The following PCDHA8 variants were observed in gnomAD, a reference collection of about 807,000 sequenced individuals.
PCDHA8 encodes protocadherin alpha 8.
A neutral mutation model predicts 61.8 loss-of-function variants in PCDHA8; 53 were observed. The observed-to-expected ratio is 0.86, with a 90% CI of 0.69 to 1.08. The LOEUF (loss-of-function observed/expected upper bound fraction) is 1.08. Ranked by LOEUF, PCDHA8 falls within the 50% of genes least tolerant of loss-of-function variation. The pLI, the probability that PCDHA8 is intolerant of heterozygous loss-of-function variation, is 0.00. For missense variants in PCDHA8, 1,293 were observed against 1,245.0 expected (o/e 1.04, Z -0.58); for synonymous variants, 618 against 556.6 (o/e 1.11, Z -1.55).
chr5:140,988,021 T>C (rs2097278466), intron 3 of PCDHA8, among the ~76,000 whole-genome samples: 1 of 152,216 alleles, frequency 6.6e-6, no homozygotes. Context: ...AGCATGATTC[T>C]TAAGTTTTTT....
At chr5:141,003,609 G>A (rs2098131688) in intron 3 of PCDHA8, among the ~76,000 whole-genome samples, 1 of 151,970 alleles carries the variant, frequency 6.6e-6, no homozygotes, top group Non-Finnish European at 1.5e-5. Context: ...CACCATTCCC[G>A]GCCCCAGAGG....
rs374326542 is a variant in PCDHA8, at chr5:140,927,218, A to G, written c.2395-51731A>G. The G allele has an allele frequency of 2.5e-6, 4 of 1,613,972 alleles. No individual in the cohort carries two copies. The African/African-American group carries it at 5.3e-5, about 22-fold the overall frequency. On this transcript the variant is annotated intron_variant, in intron 1 of 3. Coordinates refer to ENST00000531613, the MANE Select transcript of PCDHA8 (RefSeq NM_018911.3). ...CTCGAGGACCCGCTGGAGCTGCACA[A>G]GATTCGGATTCACGTCCTGGACACC...
At chr5:140,870,153 CG>C (rs1562639258) in intron 1 of PCDHA8, 2 of 1,614,088 alleles carry the variant, frequency 1.2e-6, no homozygotes, top group South Asian at 2.2e-5. Flanking sequence ...CTGAAGTCGC[CG>C]TGACTTCCTT....
intron 3 of PCDHA8, among the ~76,000 whole-genome samples, chr5:140,988,416 A>G (rs1462025901): frequency 6.6e-6 from 1 of 152,118 alleles, no homozygotes; most frequent in Non-Finnish European, 1.5e-5. Flanking sequence ...AGCTTATGTA[A>G]AGAATTTGTT....
chr5:140,900,563 C>G (rs1174778855), intron 1 of PCDHA8, among the ~76,000 whole-genome samples: 4 of 152,164 alleles, frequency 2.6e-5, no homozygotes, highest in Non-Finnish European at 5.9e-5. Flanking sequence ...AGGCGTGAGC[C>G]ACGGCACCGG....
At chr5:141,003,771 T>G (rs1301111940) in intron 3 of PCDHA8, among the ~76,000 whole-genome samples, 4 of 152,250 alleles carry the variant, frequency 2.6e-5, no homozygotes, top group African/African-American at 9.6e-5. Context: ...CGTATTCTGT[T>G]AAATAAACTT....
chr5:141,001,468 G>A (rs1375908420), intron 3 of PCDHA8, among the ~76,000 whole-genome samples: 1 of 152,226 alleles, frequency 6.6e-6, no homozygotes, highest in African/African-American at 2.4e-5. Context: ...GGACTAAGCA[G>A]CAGCGGGGAA....
intron 1 of PCDHA8, among the ~76,000 whole-genome samples, chr5:140,895,371 T>C (rs1554186488): frequency 1.3e-5 from 2 of 152,304 alleles, no homozygotes; most frequent in East Asian, 3.9e-4. Context: ...TTGGCACTTT[T>C]TGGAGTTCTT....
intron 1 of PCDHA8, chr5:140,864,049 A>G (rs2048299792): frequency 6.5e-6 from 1 of 152,910 alleles, no homozygotes; most frequent in Non-Finnish European, 1.5e-5. Flanking sequence ...ACTTTTTACT[A>G]CAGTCACCAT....
At chr5:140,883,978 T>G in intron 1 of PCDHA8, 1 of 1,612,780 alleles carries the variant, frequency 6.2e-7, no homozygotes, top group Non-Finnish European at 8.5e-7. Flanking sequence ...CGCCCGGGGC[T>G]GGCAGCGCGG....
At chr5:140,940,940 G>T (rs187772223) in intron 1 of PCDHA8, among the ~76,000 whole-genome samples, 1 of 152,254 alleles carries the variant, frequency 6.6e-6, no homozygotes, top group Non-Finnish European at 1.5e-5. Context: ...CTTAGACTAC[G>T]TATTCTCAGA....
In PCDHA8 at chr5:140,982,507, G is replaced by A. The variant is rs555523473; in HGVS notation, c.2486G>A (p.Arg829Gln). 21 of 1,614,138 alleles carry A rather than the reference G, an allele frequency of 1.3e-5. No individual in the cohort carries two copies. The highest frequency in any genetic ancestry group is 4.0e-5 in the African/African-American group (3 of 75,040). ...CACCTAGAGGAGGCTGGCATTCTAC[G>A]GGCTGGTCCAGGAGGGCCTGATCAG... is the stretch of plus-strand genomic sequence containing the variant. ...SVHLEEAGILRAGPGGPDQQW... is the reference protein window; with the variant it reads ...SVHLEEAGILQAGPGGPDQQW... The change falls in exon 3 of 4, where the codon CGG (arginine) becomes CAG (glutamine). Residue 829 changes from arginine (R) to glutamine (Q), a missense_variant. Arg to Gln is a conservative substitution (Grantham distance 43). Coordinates refer to ENST00000531613, the MANE Select transcript of PCDHA8 (RefSeq NM_018911.3).
chr5:140,939,424 A>G lies in PCDHA8; in HGVS notation c.2395-39525A>G, dbSNP rs186047779. 5.0e-4 allele frequency among the ~76,000 whole-genome samples: 76 copies of G among 152,290 alleles called. 1 individual carries two copies. Among genetic ancestry groups the G allele is most frequent in the Admixed American group, 1.3e-4 (2 of 15,302 alleles). On this transcript the variant is annotated intron_variant, in intron 1 of 3. Coordinates refer to ENST00000531613, the MANE Select transcript of PCDHA8 (RefSeq NM_018911.3). ...GTGTAAATCAGCATTTTTTTCTTCC[A>G]TAAGCATTTGAAGAATTAAGAGTGA...
In PCDHA8 at chr5:140,846,979, A is replaced by G. The variant is rs2150396342; in HGVS notation, c.2394+3264A>G. On this transcript the variant is annotated intron_variant, in intron 1 of 3. Transcript: ENST00000531613. ...GTGTTTCAGTGGTTTTAAAATAAGT[A>G]AGTTCCCCCCGGGAGAATATTGAGA... Among the ~76,000 whole-genome samples, 3 of 149,618 alleles carry G rather than the reference A, an allele frequency of 2.0e-5. 1 individual carries two copies. The highest frequency in any genetic ancestry group is 3.0e-5 in the Non-Finnish European group (2 of 66,912).
At position 140,849,549 on chromosome 5, in the gene PCDHA8, A is replaced by G. The variant is rs2150440230; in HGVS notation, c.2394+5834A>G. ...AAATGACAATGCTCCACAGTTGACT[A>G]TCAAAACGCTCTCGGTTCCTGTAAA... On this transcript the variant is annotated intron_variant, in intron 1 of 3. Transcript: ENST00000531613. 5 of 1,598,378 alleles carry G rather than the reference A, an allele frequency of 3.1e-6. 1 individual carries two copies. The South Asian group carries it at 3.3e-5, about 11-fold the overall frequency.
chr5:140,842,598 C>T lies in PCDHA8; in HGVS notation c.1277C>T (p.Thr426Ile), dbSNP rs1554139208. ...ERVSAYELVV[T>I]ARDGGSPSLW... Reference sequence around the variant, plus strand: ...GTGTCGGCCTATGAGTTGGTGGTAACCGCGCGGGACGGGGGCTCGCCTTCG... The same window carrying T: ...GTGTCGGCCTATGAGTTGGTGGTAATCGCGCGGGACGGGGGCTCGCCTTCG... Residue 426 changes from threonine to isoleucine, a missense_variant, in exon 1 of 4, where the codon ACC (threonine) becomes ATC (isoleucine). Transcript: ENST00000531613. 3 of 1,542,098 alleles carry T rather than the reference C, an allele frequency of 1.9e-6. 1 individual carries two copies. Among genetic ancestry groups the T allele is most frequent in the Non-Finnish European group, 2.7e-6 (3 of 1,131,600 alleles).
intron 1 of PCDHA8, among the ~76,000 whole-genome samples, chr5:140,907,040 G>A (rs781947448): frequency 1.4e-4 from 21 of 152,290 alleles, no homozygotes; most frequent in Non-Finnish European, 2.4e-4. Context: ...ATGTCACAGG[G>A]ACAGTAAGCA....
chr5:141,008,872 A>C (rs1174901625), intron 3 of PCDHA8, among the ~76,000 whole-genome samples: 1 of 152,140 alleles, frequency 6.6e-6, no homozygotes, highest in Non-Finnish European at 1.5e-5. Context: ...GCTGCATCCC[A>C]CCACCCTTCA....
At chr5:140,877,593 G>A in intron 1 of PCDHA8, 2 of 1,613,854 alleles carry the variant, frequency 1.2e-6, no homozygotes, top group Non-Finnish European at 1.7e-6. Context: ...TCTGTGCGGT[G>A]TCCAGCCTGC....
Sources: allele counts gnomAD v4.1 joint callset (sites outside exome capture counted in the v4.1 genomes callset), GRCh38; gene constraint gnomAD v4.1.1; transcripts MANE v1.5; gene names NCBI Gene and HGNC (gene_info 2026-07-23, HGNC 2026-07-21).